Variants in DNAH7 observed in about 807,000 individuals in gnomAD.
DNAH7 encodes dynein axonemal heavy chain 7.
Under a neutral mutation model 444.6 loss-of-function variants are expected in DNAH7, and 397 were observed. The ratio of observed to expected loss-of-function variants is 0.89; its 90% CI spans 0.82 to 0.97. The LOEUF is 0.97. DNAH7 is among the 50% of genes least tolerant of loss of function. The pLI is 0.00. For synonymous variants in DNAH7, 1,636 were observed against 1,624.4 expected, an observed-to-expected ratio of 1.01 and a Z score of -0.17; for missense variants, 4,902 against 4,800.8, an observed-to-expected ratio of 1.02 and a Z score of -0.62.
chr2:195,898,492 G>GA (rs1686478767), intron 28 of DNAH7, among the ~76,000 whole-genome samples: 1 of 151,936 alleles, frequency 6.6e-6, no homozygotes, highest in Non-Finnish European at 1.5e-5. Flanking sequence ...GTTTTCACAG[G>GA]AAAAAAATTC....
At chr2:195,819,215 C>T (rs954385743) in intron 49 of DNAH7, among the ~76,000 whole-genome samples, 1 of 152,028 alleles carries the variant, frequency 6.6e-6, no homozygotes, top group African/African-American at 2.4e-5. Context: ...AAATCACTAC[C>T]CCAAGCTACT....
intron 1 of DNAH7, among the ~76,000 whole-genome samples, chr2:196,065,661 C>G (rs1698389225): frequency 6.6e-6 from 1 of 152,184 alleles, no homozygotes; most frequent in Non-Finnish European, 1.5e-5. Context: ...CTTCCCTGTT[C>G]CCTGTTGTTC....
intron 58 of DNAH7, 71 bp from the exon 59 acceptor site, chr2:195,778,056 C>A: frequency 7.4e-7 from 1 of 1,342,408 alleles, no homozygotes; most frequent in East Asian, 2.6e-5. Context: ...TTGTTTTTTC[C>A]TATTACTAAA....
At chr2:195,779,822 C>T (rs563004624) in intron 58 of DNAH7, among the ~76,000 whole-genome samples, 1 of 152,140 alleles carries the variant, frequency 6.6e-6, no homozygotes, top group African/African-American at 2.4e-5. Context: ...CCCAGGCTGG[C>T]CTCGAACTCC....
At chr2:195,798,909 C>T (rs1234199203) in intron 55 of DNAH7, among the ~76,000 whole-genome samples, 1 of 151,982 alleles carries the variant, frequency 6.6e-6, no homozygotes, top group Non-Finnish European at 1.5e-5. Context: ...TCAATGAAGG[C>T]CCCCCGTTAG....
intron 41 of DNAH7, 42 bp downstream of exon 41, chr2:195,864,107 T>G (rs755795703): frequency 1.3e-6 from 2 of 1,580,850 alleles, no homozygotes; most frequent in Non-Finnish European, 1.7e-6. Context: ...TAGTGGAAAT[T>G]CAACATTTCT....
intron 21 of DNAH7, among the ~76,000 whole-genome samples, chr2:195,928,242 A>T (rs1688468262): frequency 6.6e-6 from 1 of 152,182 alleles, no homozygotes; most frequent in African/African-American, 2.4e-5. Context: ...TGTTGCTACA[A>T]AGGACATGAT....
intron 36 of DNAH7, among the ~76,000 whole-genome samples, chr2:195,880,975 A>G (rs1574652145): frequency 6.6e-6 from 1 of 150,386 alleles, no homozygotes; most frequent in African/African-American, 2.4e-5. Flanking sequence ...TAAATCTCTC[A>G]GCTTTCTGTA....
intron 36 of DNAH7, among the ~76,000 whole-genome samples, chr2:195,877,661 T>C (rs1469054965): frequency 3.9e-5 from 6 of 152,210 alleles, no homozygotes; most frequent in Non-Finnish European, 8.8e-5. Flanking sequence ...TTCTCATTAA[T>C]GACTACATTT....
Position 195,972,251 on chromosome 2 carries a change from T to A in DNAH7, c.2049A>T (p.Glu683Asp). 1.2e-6 allele frequency: 2 copies of A among 1,613,122 alleles called. No individual in the cohort carries two copies. The highest frequency in any genetic ancestry group is 1.3e-5 in the African/African-American group (1 of 75,022). The change falls in exon 16 of 65, where the codon GAA becomes GAT. Residue 683 changes from glutamate to aspartate, a missense_variant. Transcript: ENST00000312428. ...IIKEKIEQYQEGLKLRCERFV... is the reference protein window; with the variant it reads ...IIKEKIEQYQDGLKLRCERFV... ...TATCTAAGATGCCAACCTTCAGACC[T>A]TCTTGATATTGTTCTATTTTCTCTT...
intron 30 of DNAH7, chr2:195,894,254 A>T (rs1702176866): frequency 6.6e-6 from 1 of 152,176 alleles, no homozygotes; most frequent in Non-Finnish European, 1.5e-5. Flanking sequence ...GACATGGGCA[A>T]ATATACATAC....
chr2:195,853,194 T>A, intron 46 of DNAH7, 149 bp downstream of exon 46: 1 of 621,060 alleles, frequency 1.6e-6, no homozygotes. Flanking sequence ...ATTTACAGAA[T>A]AATTAAAATA....
chr2:195,873,896 T>C (rs1478429747), intron 38 of DNAH7, among the ~76,000 whole-genome samples: 1 of 152,218 alleles, frequency 6.6e-6, no homozygotes, highest in African/African-American at 2.4e-5. Context: ...AGGTGAATTA[T>C]CTGAATGAGT....
rs1192576925 is a variant in DNAH7, at chr2:196,051,191, G to A, written c.137C>T (p.Ser46Phe). 6.2e-7 allele frequency: 1 copy of A among 1,613,252 alleles called. No homozygotes were observed. The highest frequency in any genetic ancestry group is 8.5e-7 in the Non-Finnish European group (1 of 1,179,466). ...KAPARALPQL[S>F]MVSTKPHWQQ... ...GAATATATTTGGATAAGTTACCATA[G>A]ACAGCTGTGGTAAAGCTCTTGCTGG... Residue 46 changes from serine to phenylalanine, a missense_variant, in exon 3 of 65, where the codon TCT becomes TTT. Physicochemically the swap from Ser to Phe is radical, Grantham distance 155. Coordinates refer to ENST00000312428, the MANE Select transcript of DNAH7 (RefSeq NM_018897.3).
intron 24 of DNAH7, among the ~76,000 whole-genome samples, chr2:195,915,233 T>A (rs1687601444): frequency 6.6e-6 from 1 of 151,978 alleles, no homozygotes; most frequent in Non-Finnish European, 1.5e-5. Context: ...TGAGGAGAGA[T>A]TCGTAATGTA....
intron 10 of DNAH7, among the ~76,000 whole-genome samples, chr2:196,010,449 A>G (rs1054251119): frequency 7.9e-5 from 12 of 152,110 alleles, no homozygotes; most frequent in African/African-American, 2.7e-4. Flanking sequence ...TCCCTGACAA[A>G]AAGAGGAACT....
At chr2:195,816,457 C>A (rs1697223076) in intron 51 of DNAH7, among the ~76,000 whole-genome samples, 171 bp downstream of exon 51, 1 of 152,178 alleles carries the variant, frequency 6.6e-6, no homozygotes, top group Admixed American at 6.5e-5. Context: ...TTGGACACAT[C>A]TGTTCAATTT....
rs746717841 is a variant in DNAH7 at position 195,738,043 on chromosome 2, C to A, written c.11953G>T (p.Gly3985Ter). 2 of 1,614,020 alleles carry A rather than the reference C, an allele frequency of 1.2e-6. No individual in the cohort carries two copies. The highest frequency in any genetic ancestry group is 1.7e-6 in the Non-Finnish European group (2 of 1,179,912). ...APLYKTSERR[G>*]VLSTTGHSTN... ...GAATGGCCAGTGGTGGATAATACTCCTCTCCGCTCACTTGTCTTATACAAT... is the reference window on the plus strand; with the variant it reads ...GAATGGCCAGTGGTGGATAATACTCATCTCCGCTCACTTGTCTTATACAAT... The change falls in exon 65 of 65, where the codon GGA (glycine) becomes TGA (stop). Residue 3985 changes from glycine (G) to a stop codon, truncating the protein, a stop_gained. Coordinates refer to ENST00000312428, the MANE Select transcript of DNAH7 (RefSeq NM_018897.3). LOFTEE classifies it high-confidence loss of function.
At chr2:195,909,103 G>A (rs1687207522) in intron 25 of DNAH7, among the ~76,000 whole-genome samples, 1 of 152,074 alleles carries the variant, frequency 6.6e-6, no homozygotes, top group African/African-American at 2.4e-5. Context: ...TGGGAGAAGA[G>A]TGAGGATTGA....
Sources: gnomAD v4.1 joint callset for allele counts (sites outside exome capture counted in the v4.1 genomes callset) on GRCh38, gnomAD v4.1.1 for gene constraint, MANE v1.5 for transcripts, NCBI Gene and HGNC (gene_info 2026-07-23, HGNC 2026-07-21) for gene names.